Variants in SORCS1 observed in about 807,000 individuals in gnomAD.
SORCS1 encodes the protein sortilin related VPS10 domain containing receptor 1, also known as VPS10 domain-containing receptor SorCS1.
A neutral mutation model predicts 146.1 loss-of-function variants in SORCS1; 60 were observed. That is an observed-to-expected ratio of 0.41 (90% CI 0.33 to 0.51). SORCS1 has a LOEUF of 0.51. Among genes scored for constraint, SORCS1 ranks in the 20% least tolerant of loss-of-function variants. The probability of loss-of-function intolerance (pLI) is 0.21; values close to 1 mark genes in which losing one functional copy is unlikely to be tolerated. For missense variants in SORCS1, 1,352 were observed against 1,487.6 expected, an observed-to-expected ratio of 0.91 and a Z score of 1.50; for synonymous variants, 637 against 584.0, an observed-to-expected ratio of 1.09 and a Z score of -1.31.
At chr10:107,092,288 C>T (rs1260924315) in intron 1 of SORCS1, among the ~76,000 whole-genome samples, 1 of 152,196 alleles carries the variant, frequency 6.6e-6, no homozygotes, top group Non-Finnish European at 1.5e-5. Context: ...GCTTCAGGAG[C>T]TGATGTTGCC....
intron 2 of SORCS1, among the ~76,000 whole-genome samples, chr10:106,929,224 C>G (rs1027164434): frequency 6.6e-6 from 1 of 150,778 alleles, no homozygotes. Flanking sequence ...GAATTTTTCC[C>G]CAGAACAAAT....
At chr10:106,825,991 G>C (rs1948287243) in intron 3 of SORCS1, among the ~76,000 whole-genome samples, 1 of 152,208 alleles carries the variant, frequency 6.6e-6, no homozygotes, top group Non-Finnish European at 1.5e-5. Flanking sequence ...AAGGAAAGCT[G>C]CTGTAATTTA....
intron 1 of SORCS1, among the ~76,000 whole-genome samples, chr10:107,150,886 A>G (rs935962661): frequency 6.6e-6 from 1 of 152,200 alleles, no homozygotes; most frequent in Non-Finnish European, 1.5e-5. Flanking sequence ...CTCCCCAGCC[A>G]TGCTGAACTG....
At position 106,850,614 on chromosome 10, in the gene SORCS1, T is replaced by C. The variant is rs1244040402; in HGVS notation, c.627-20941A>G. On this transcript the variant is annotated intron_variant, in intron 2 of 25. Transcript: ENST00000263054. ...TTCGGCCATCTTGGCTCCTCCCTGA[T>C]GCCTTTCCTTTCTAGGAGAGAGAAA... Among the ~76,000 whole-genome samples the C allele has an allele frequency of 3.9e-5, 6 of 152,156 alleles. No homozygotes were observed. In the East Asian group the frequency reaches 1.2e-3, roughly 29 times the overall value.
chr10:106,931,908 T>C (rs1277220441), intron 2 of SORCS1, among the ~76,000 whole-genome samples: 1 of 152,206 alleles, frequency 6.6e-6, no homozygotes, highest in Non-Finnish European at 1.5e-5. Flanking sequence ...ATAAATGCAC[T>C]GCAAATGCTG....
intron 1 of SORCS1, among the ~76,000 whole-genome samples, chr10:107,091,871 A>T (rs1964208535): frequency 6.6e-6 from 1 of 152,218 alleles, no homozygotes; most frequent in Admixed American, 6.5e-5. Context: ...AGTAGCTGCC[A>T]CACAGTTTCA....
chr10:106,789,456 C>A (rs1214121117), intron 3 of SORCS1, among the ~76,000 whole-genome samples: 1 of 152,166 alleles, frequency 6.6e-6, no homozygotes, highest in Non-Finnish European at 1.5e-5. Flanking sequence ...TTTCTTCTGC[C>A]AGATACCCTA....
chr10:107,157,484 G>A (rs192655951), intron 1 of SORCS1, among the ~76,000 whole-genome samples: 90 of 152,188 alleles, frequency 5.9e-4, no homozygotes, highest in South Asian at 3.1e-3. Flanking sequence ...AATACCTTAA[G>A]TAATGGAAGT....
chr10:106,678,112 G>T lies in SORCS1; in HGVS notation c.1741-708C>A, dbSNP rs149864842. Among the ~76,000 whole-genome samples the T allele has an allele frequency of 2.4e-4, 36 of 152,244 alleles. No homozygotes were observed. In the East Asian group the frequency reaches 6.6e-3, roughly 28 times the overall value. ...TGTATAAGATGCATGCTGTTTTCTC[G>T]TCAGATTATTAGTGTAGCCTTGCCT... is the stretch of plus-strand genomic sequence containing the variant. On this transcript the variant is annotated intron_variant, in intron 12 of 25. Coordinates refer to ENST00000263054, the MANE Select transcript of SORCS1 (RefSeq NM_052918.5).
In SORCS1 at chr10:106,633,839, AC is replaced by A. The variant is rs370540493; in HGVS notation, c.2476-4452del. ...TCTGGATGTCCAACTACTACCCAAG[AC>A]CCAGCACTGTTTTGAGGCCTCTGAG... On this transcript the variant is annotated intron_variant, in intron 18 of 25. Transcript: ENST00000263054. Among the ~76,000 whole-genome samples, 19 of 152,210 alleles carry A rather than the reference AC, an allele frequency of 1.2e-4. No individual in the cohort carries two copies. In the South Asian group the frequency reaches 1.9e-3, roughly 15 times the overall value.
At chr10:106,782,022 C>G (rs1860933686) in intron 3 of SORCS1, among the ~76,000 whole-genome samples, 2 of 152,192 alleles carry the variant, frequency 1.3e-5, no homozygotes, top group African/African-American at 4.8e-5. Flanking sequence ...TCCCATCCTT[C>G]CAAACTCAGC....
chr10:106,839,333 T>C (rs897368569), intron 2 of SORCS1, among the ~76,000 whole-genome samples: 1 of 152,198 alleles, frequency 6.6e-6, no homozygotes, highest in African/African-American at 2.4e-5. Context: ...ATTGCTGATA[T>C]GGAGAAAGTT....
At chr10:106,793,368 A>G (rs1286917087) in intron 3 of SORCS1, among the ~76,000 whole-genome samples, 1 of 149,202 alleles carries the variant, frequency 6.7e-6, no homozygotes, top group Non-Finnish European at 1.5e-5. Context: ...CAGTTTGGCT[A>G]AAGTTAGGCA....
chr10:106,616,736 C>G (rs940968269), intron 21 of SORCS1, among the ~76,000 whole-genome samples: 1 of 152,108 alleles, frequency 6.6e-6, no homozygotes, highest in Non-Finnish European at 1.5e-5. Flanking sequence ...GGAATAGTGT[C>G]CTTAAGGCCT....
At chr10:106,679,605 A>G in intron 11 of SORCS1, 27 bp downstream of exon 11, 1 of 1,564,480 alleles carries the variant, frequency 6.4e-7, no homozygotes, top group South Asian at 1.1e-5. Flanking sequence ...TATTTACCAC[A>G]GCCAGCAAAC....
chr10:106,611,920 G>A lies in SORCS1; in HGVS notation c.3024C>T (p.Ser1008=). 6.2e-7 allele frequency: 1 copy of A among 1,613,312 alleles called. No homozygotes were observed. The highest frequency in any genetic ancestry group is 1.3e-5 in the African/African-American group (1 of 75,010). The change falls in exon 22 of 26, where the codon TCC becomes TCT. Residue 1008 remains serine (S), a synonymous_variant. Transcript: ENST00000263054. The part of the protein sequence containing the change: ...RRDIGRVIKK[S]LVEATGVPGQ... ...AACTGTGTGCACTCACTTCCACCAG[G>A]GATTTTTTGATGACTCGACCGATGT... is the stretch of plus-strand genomic sequence containing the variant.
At chr10:106,851,167 A>G (rs1949555573) in intron 2 of SORCS1, among the ~76,000 whole-genome samples, 1 of 152,040 alleles carries the variant, frequency 6.6e-6, no homozygotes, top group Admixed American at 6.5e-5. Context: ...TTCTCATTCT[A>G]TTGGTATTAT....
At chr10:106,832,854 G>C (rs1197228962) in intron 2 of SORCS1, among the ~76,000 whole-genome samples, 1 of 152,126 alleles carries the variant, frequency 6.6e-6, no homozygotes, top group African/African-American at 2.4e-5. Flanking sequence ...CTAGTCTATA[G>C]AGAGTGTGAA....
intron 2 of SORCS1, among the ~76,000 whole-genome samples, chr10:106,950,359 T>C (rs1378023769): frequency 6.6e-6 from 1 of 152,230 alleles, no homozygotes; most frequent in Non-Finnish European, 1.5e-5. Flanking sequence ...AACAGCCTCT[T>C]GGCCTCTTGA....
Sources: gnomAD v4.1 joint callset for allele counts (sites outside exome capture counted in the v4.1 genomes callset) on GRCh38, gnomAD v4.1.1 for gene constraint, MANE v1.5 for transcripts, NCBI Gene and HGNC (gene_info 2026-07-23, HGNC 2026-07-21) for gene names.